SLC17A3: variants seen among roughly 807,000 people sequenced by gnomAD.
SLC17A3 encodes solute carrier family 17 member 3.
A neutral mutation model predicts 60.3 loss-of-function variants in SLC17A3; 61 were observed. The ratio of observed to expected loss-of-function variants is 1.01; its 90% confidence interval spans 0.82 to 1.25. SLC17A3 has a LOEUF of 1.25. Ranked by LOEUF, SLC17A3 falls within the 50% of genes most tolerant of loss-of-function variation. The probability of loss-of-function intolerance (pLI) is 0.00; values close to 1 mark genes in which losing one functional copy is unlikely to be tolerated. For missense variants in SLC17A3, 624 were observed against 594.9 expected, an observed-to-expected ratio of 1.05 and a Z score of -0.51; for synonymous variants, 192 against 208.9, an observed-to-expected ratio of 0.92 and a Z score of 0.70.
At chr6:25,860,649 T>G (rs143247294) in intron 5 of SLC17A3, among the ~76,000 whole-genome samples, 1 of 152,252 alleles carries the variant, frequency 6.6e-6, no homozygotes, top group African/African-American at 2.4e-5. Flanking sequence ...ATGAGAAAAC[T>G]TCTGGAACCT....
chr6:25,866,597 T>C (rs1765539592), intron 2 of SLC17A3, among the ~76,000 whole-genome samples: 3 of 151,946 alleles, frequency 2.0e-5, no homozygotes, highest in South Asian at 2.1e-4. Flanking sequence ...ATGAGTACAG[T>C]TGGCAAAAAA....
intron 2 of SLC17A3, among the ~76,000 whole-genome samples, chr6:25,863,858 A>G (rs1765492242): frequency 6.6e-6 from 1 of 152,034 alleles, no homozygotes; most frequent in African/African-American, 2.4e-5. Flanking sequence ...CGAACAAAAC[A>G]CTCATCAATC....
At chr6:25,856,167 TG>T in intron 5 of SLC17A3, among the ~76,000 whole-genome samples, 1 of 152,258 alleles carries the variant, frequency 6.6e-6, no homozygotes, top group Non-Finnish European at 1.5e-5. Flanking sequence ...CCAAAAATAT[TG>T]GGTTTTTTTT....
chr6:25,860,410 C>T (rs928476265), intron 5 of SLC17A3, among the ~76,000 whole-genome samples: 2 of 152,086 alleles, frequency 1.3e-5, no homozygotes, highest in African/African-American at 4.8e-5. Flanking sequence ...ATTCCATCCA[C>T]CAGTACAGTC....
chr6:25,857,467 G>A (rs1255340156), intron 5 of SLC17A3, among the ~76,000 whole-genome samples: 3 of 148,654 alleles, frequency 2.0e-5, no homozygotes, highest in Non-Finnish European at 4.5e-5. Flanking sequence ...TCAACTGTAA[G>A]TTTTTACGGA....
chr6:25,857,865 C>T (rs1039829848), intron 5 of SLC17A3, among the ~76,000 whole-genome samples: 5 of 152,172 alleles, frequency 3.3e-5, no homozygotes, highest in African/African-American at 9.7e-5. Context: ...CCATCCAAAG[C>T]CAGGTCCCTT....
Position 25,861,766 on chromosome 6 carries a change from T to C in SLC17A3, c.537+30A>G, listed in dbSNP as rs1489782308. The C allele has an allele frequency of 3.7e-6, 6 of 1,610,714 alleles. No individual in the cohort carries two copies. The East Asian group carries it at 1.3e-4, about 36-fold the overall frequency. On this transcript the variant is annotated intron_variant, in intron 4 of 12. Coordinates refer to ENST00000397060, the MANE Select transcript of SLC17A3 (RefSeq NM_001098486.2). ...GTGTGGTGCCATGTAGAAATTCATA[T>C]CCAACTCAGATTTATAAAATATTGG...
At chr6:25,866,029 G>T (rs1561859878) in intron 2 of SLC17A3, among the ~76,000 whole-genome samples, 1 of 151,946 alleles carries the variant, frequency 6.6e-6, no homozygotes, top group Non-Finnish European at 1.5e-5. Flanking sequence ...AGACCTTAAG[G>T]TGGCCCCAGT....
intron 6 of SLC17A3, among the ~76,000 whole-genome samples, chr6:25,853,071 A>G (rs1048721226): frequency 5.3e-5 from 8 of 152,256 alleles, no homozygotes; most frequent in African/African-American, 1.9e-4. Context: ...CTGAGGAACA[A>G]CATTTATGAG....
intron 1 of SLC17A3, among the ~76,000 whole-genome samples, chr6:25,869,163 A>G (rs549486339): frequency 6.6e-6 from 1 of 152,136 alleles, no homozygotes; most frequent in East Asian, 1.9e-4. Flanking sequence ...TGCATATAAG[A>G]GAACTGAAAA....
rs1187308360 is a variant in SLC17A3 at position 25,871,888 on chromosome 6, T to G, written c.-34+2279A>C. 2.6e-5 allele frequency among the ~76,000 whole-genome samples: 4 copies of G among 152,038 alleles called. No homozygotes were observed. In the East Asian group the frequency reaches 5.8e-4, roughly 22 times the overall value. ...ACATATCCAAGTATGGTAAGTTATA[T>G]CAGAGGGAAAAATTATGTAAATAGA... On this transcript the variant is annotated intron_variant, in intron 1 of 12. Coordinates refer to ENST00000397060, the MANE Select transcript of SLC17A3 (RefSeq NM_001098486.2).
At chr6:25,866,252 C>A (rs1765534191) in intron 2 of SLC17A3, among the ~76,000 whole-genome samples, 2 of 151,960 alleles carry the variant, frequency 1.3e-5, no homozygotes, top group South Asian at 4.1e-4. Flanking sequence ...GTTGGAGAAC[C>A]TAACACGATA....
intron 1 of SLC17A3, among the ~76,000 whole-genome samples, chr6:25,873,126 C>A (rs1311522562): frequency 6.6e-6 from 1 of 152,068 alleles, no homozygotes; most frequent in Non-Finnish European, 1.5e-5. Flanking sequence ...AGAGGGAAAT[C>A]CCAAGGCACC....
At chr6:25,851,793 A>G (rs570937613) in intron 6 of SLC17A3, among the ~76,000 whole-genome samples, 1 of 152,186 alleles carries the variant, frequency 6.6e-6, no homozygotes, top group Non-Finnish European at 1.5e-5. Flanking sequence ...CTTAAAGACT[A>G]TAACTTTATA....
chr6:25,867,999 G>T (rs991376360), intron 2 of SLC17A3, among the ~76,000 whole-genome samples: 1 of 151,564 alleles, frequency 6.6e-6, no homozygotes, highest in South Asian at 2.1e-4. Flanking sequence ...ATACAGTTAT[G>T]TTTAAAATAT....
chr6:25,859,275 C>T (rs946297130), intron 5 of SLC17A3, among the ~76,000 whole-genome samples: 3 of 152,138 alleles, frequency 2.0e-5, no homozygotes, highest in African/African-American at 7.2e-5. Flanking sequence ...AAACATGAGT[C>T]TCTGAACATT....
chr6:25,871,421 T>C (rs1165202), intron 1 of SLC17A3, among the ~76,000 whole-genome samples: 29,196 of 145,260 alleles, frequency 0.2, 4,089 homozygotes, highest in African/African-American at 0.41. Flanking sequence ...TTCTCACTCA[T>C]AGGTGGGAAT....
At chr6:25,864,255 C>A (rs1765500040) in intron 2 of SLC17A3, among the ~76,000 whole-genome samples, 1 of 151,802 alleles carries the variant, frequency 6.6e-6, no homozygotes, top group Non-Finnish European at 1.5e-5. Flanking sequence ...GACATGTGGG[C>A]CATTGCAGGT....
At chr6:25,853,501 C>T (rs965419871) in intron 6 of SLC17A3, among the ~76,000 whole-genome samples, 6 of 148,178 alleles carry the variant, frequency 4.0e-5, no homozygotes, top group Non-Finnish European at 7.4e-5. Flanking sequence ...CTGCAAGCTC[C>T]GCCTCCCGGG....
Sources: gnomAD v4.1 joint callset for allele counts (sites outside exome capture counted in the v4.1 genomes callset) on GRCh38, gnomAD v4.1.1 for gene constraint, MANE v1.5 for transcripts, NCBI Gene and HGNC (gene_info 2026-07-23, HGNC 2026-07-21) for gene names.